Variants in LRRC4C observed in about 807,000 individuals in gnomAD.
LRRC4C encodes leucine rich repeat containing 4C, also known as leucine-rich repeat-containing protein 4C.
In LRRC4C, 5 loss-of-function variants were observed where a neutral mutation model predicts 33.6. The ratio of observed to expected loss-of-function variants is 0.15; its 90% CI spans 0.08 to 0.31. The LOEUF (loss-of-function observed/expected upper bound fraction) is 0.31, where lower values mean the gene tolerates loss of function less well. Ranked by LOEUF, LRRC4C falls within the 10% of genes least tolerant of loss-of-function variation. The pLI is 1.00. For missense variants in LRRC4C, 560 were observed against 796.7 expected (o/e 0.70, Z 3.58); for synonymous variants, 329 against 302.0 (o/e 1.09, Z -0.93).
chr11:41,033,340 G>A (rs1206447355), intron 1 of LRRC4C, among the ~76,000 whole-genome samples: 1 of 151,990 alleles, frequency 6.6e-6, no homozygotes, highest in African/African-American at 2.4e-5. Context: ...AAAATATAAA[G>A]CAAAACTAGT....
chr11:40,620,223 T>A (rs746509708), intron 3 of LRRC4C, among the ~76,000 whole-genome samples: 65 of 151,712 alleles, frequency 4.3e-4, no homozygotes, highest in Non-Finnish European at 8.4e-4. Context: ...CTTCTATGCT[T>A]TCCATCCCAT....
intron 2 of LRRC4C, among the ~76,000 whole-genome samples, chr11:40,782,157 T>G (rs1314872315): frequency 6.6e-6 from 1 of 152,194 alleles, no homozygotes; most frequent in Non-Finnish European, 1.5e-5. Context: ...CTTTTCAACT[T>G]GTTTTATTAG....
At chr11:40,422,386 G>GT (rs1590685457) in intron 3 of LRRC4C, among the ~76,000 whole-genome samples, 1 of 152,044 alleles carries the variant, frequency 6.6e-6, no homozygotes, top group East Asian at 1.9e-4. Context: ...AAAAAGTGGA[G>GT]TTTTTTTATT....
intron 1 of LRRC4C, among the ~76,000 whole-genome samples, chr11:41,036,532 C>T (rs979985023): frequency 8.5e-5 from 13 of 152,114 alleles, no homozygotes; most frequent in African/African-American, 3.1e-4. Context: ...TGATAATAAC[C>T]TGGAATCTGC....
chr11:40,447,473 A>G (rs1951689729), intron 3 of LRRC4C, among the ~76,000 whole-genome samples: 1 of 152,182 alleles, frequency 6.6e-6, no homozygotes, highest in African/African-American at 2.4e-5. Context: ...GACCATTGCT[A>G]GCATCCACTT....
chr11:40,384,189 G>A (rs958568760), intron 3 of LRRC4C, among the ~76,000 whole-genome samples: 4 of 151,762 alleles, frequency 2.6e-5, no homozygotes, highest in African/African-American at 7.3e-5. Flanking sequence ...TTTTAGAATC[G>A]TCACAGGGGA....
chr11:40,413,326 C>T (rs1404587456), intron 3 of LRRC4C, among the ~76,000 whole-genome samples: 2 of 152,038 alleles, frequency 1.3e-5, no homozygotes, highest in Non-Finnish European at 2.9e-5. Context: ...TGCATTCACA[C>T]ACCTTACACT....
intron 1 of LRRC4C, among the ~76,000 whole-genome samples, chr11:41,049,157 C>G (rs1431307523): frequency 6.6e-6 from 1 of 152,076 alleles, no homozygotes; most frequent in Non-Finnish European, 1.5e-5. Context: ...GTGGGAGGGA[C>G]CTGGTGAGAG....
intron 1 of LRRC4C, among the ~76,000 whole-genome samples, chr11:40,982,075 T>C (rs1249118221): frequency 6.6e-6 from 1 of 152,208 alleles, no homozygotes; most frequent in Non-Finnish European, 1.5e-5. Context: ...AAAATATTAC[T>C]GGATAAATCA....
chr11:41,062,747 C>T (rs563336071), intron 1 of LRRC4C, among the ~76,000 whole-genome samples: 101 of 152,218 alleles, frequency 6.6e-4, no homozygotes, highest in African/African-American at 1.9e-3. Context: ...CTAGTAAAGA[C>T]GAGGTCATGC....
intron 3 of LRRC4C, among the ~76,000 whole-genome samples, chr11:40,607,552 C>T (rs1249043788): frequency 8.5e-5 from 13 of 152,082 alleles, no homozygotes; most frequent in South Asian, 2.1e-4. Context: ...TGAGGGCCAT[C>T]AGAGAAGAGC....
chr11:41,184,116 C>A (rs1945578989), intron 1 of LRRC4C, among the ~76,000 whole-genome samples: 1 of 152,178 alleles, frequency 6.6e-6, no homozygotes, highest in Admixed American at 6.5e-5. Flanking sequence ...GACCTTTGGG[C>A]CTGTAATGGG....
chr11:41,414,987 CA>C (rs1474632606), intron 1 of LRRC4C, among the ~76,000 whole-genome samples: 1 of 152,080 alleles, frequency 6.6e-6, no homozygotes, highest in African/African-American at 2.4e-5. Flanking sequence ...AAGCACTTTA[CA>C]AACATGAAGT....
chr11:40,662,768 AC>A (rs1388507631), intron 2 of LRRC4C, among the ~76,000 whole-genome samples: 7 of 152,186 alleles, frequency 4.6e-5, no homozygotes, highest in Non-Finnish European at 8.8e-5. Flanking sequence ...AAGTTGTTTA[AC>A]CACTACAACT....
intron 2 of LRRC4C, among the ~76,000 whole-genome samples, chr11:40,791,370 G>A (rs1192976644): frequency 2.6e-5 from 4 of 152,122 alleles, no homozygotes; most frequent in Non-Finnish European, 5.9e-5. Context: ...TTGTTTGTAT[G>A]TCTTGGGAGT....
intron 1 of LRRC4C, among the ~76,000 whole-genome samples, chr11:41,141,616 A>G (rs1319195732): frequency 6.6e-6 from 1 of 151,956 alleles, no homozygotes; most frequent in Non-Finnish European, 1.5e-5. Flanking sequence ...TCTTCTTATG[A>G]TAGTAAGTGA....
intron 1 of LRRC4C, among the ~76,000 whole-genome samples, chr11:41,430,774 G>A (rs1305271604): frequency 6.6e-6 from 1 of 152,030 alleles, no homozygotes; most frequent in East Asian, 1.9e-4. Flanking sequence ...AACACTTTGA[G>A]TGTACCTATA....
chr11:40,618,185 G>T (rs1962056691), intron 3 of LRRC4C, among the ~76,000 whole-genome samples: 1 of 151,578 alleles, frequency 6.6e-6, no homozygotes, highest in Admixed American at 6.6e-5. Flanking sequence ...TTAAAGTGAG[G>T]TCATATAAGA....
At chr11:40,354,848 C>T (rs1015519837) in intron 3 of LRRC4C, among the ~76,000 whole-genome samples, 1 of 152,080 alleles carries the variant, frequency 6.6e-6, no homozygotes, top group Non-Finnish European at 1.5e-5. Context: ...CAACCTGGTA[C>T]CCAAGCTGTA....
Sources: gnomAD v4.1 joint callset for allele counts (sites outside exome capture counted in the v4.1 genomes callset) on GRCh38, gnomAD v4.1.1 for gene constraint, MANE v1.5 for transcripts, NCBI Gene and HGNC (gene_info 2026-07-23, HGNC 2026-07-21) for gene names.